GLIS2: variants seen among roughly 807,000 people sequenced by gnomAD.
GLIS2 encodes the protein GLIS family zinc finger 2.
A neutral mutation model predicts 35.6 loss-of-function variants in GLIS2; 14 were observed. The ratio of observed to expected loss-of-function variants is 0.39; its 90% CI spans 0.26 to 0.61. The LOEUF (loss-of-function observed/expected upper bound fraction) is 0.61, where lower values mean the gene tolerates loss of function less well. GLIS2 is among the 20% of genes least tolerant of loss of function. The pLI, the probability that GLIS2 is intolerant of heterozygous loss-of-function variation, is 0.48. For missense variants in GLIS2, 675 were observed against 713.4 expected (o/e 0.95, Z 0.61); for synonymous variants, 368 against 325.1 (o/e 1.13, Z -1.42).
Position 4,332,331 on chromosome 16 carries a change from C to T in GLIS2, c.51C>T (p.Leu17=). The T allele has an allele frequency of 6.2e-7, 1 of 1,613,254 alleles. No individual in the cohort carries two copies. The change falls in exon 2 of 7, where the codon CTC becomes CTT. Residue 17 remains leucine (L), a synonymous_variant. Coordinates refer to ENST00000433375, the MANE Select transcript of GLIS2 (RefSeq NM_032575.3). This position sits in a 1 kb window ranked among gnomAD's most constrained non-coding sequence, Gnocchi z 5.4. ...ACCTGAAGCTGAGTATCACCAAGCT[C>T]CGGGCGGCAAGAGAGAAGCGGGAGA... ...PLDLKLSITK[L]RAAREKRERT...
chr16:4,320,929 G>A lies in GLIS2; in HGVS notation c.-67+4675G>A, dbSNP rs1011949194. ...CTTGGTTCTAGGGCCACTGGGCCCC[G>A]AGGGCCTGGAGCCACCAGGCCTGGC... On this transcript the variant is annotated intron_variant, in intron 1 of 6. Transcript: ENST00000433375. The surrounding 1 kb of genome is among the most constrained non-coding windows in gnomAD (Gnocchi z 5.6). 1.3e-5 allele frequency among the ~76,000 whole-genome samples: 2 copies of A among 152,294 alleles called. No homozygotes were observed. Among genetic ancestry groups the A allele is most frequent in the African/African-American group, 2.4e-5 (1 of 41,564 alleles).
chr16:4,318,317 C>A (rs541324640), intron 1 of GLIS2, among the ~76,000 whole-genome samples: 1 of 152,204 alleles, frequency 6.6e-6, no homozygotes, highest in South Asian at 2.1e-4. Context: ...AGGGGTCAGA[C>A]CAGGTGAGCT....
Position 4,336,878 on chromosome 16 carries a change from T to G in GLIS2, c.929T>G (p.Leu310Arg), listed in dbSNP as rs765218625. ...CHKRYTDPSS[L>R]RKHIKAHGHF... ...AAGCGCTACACGGACCCCAGCTCAC[T>G]GCGCAAGCACATCAAGGCCCATGGC... is the stretch of plus-strand genomic sequence containing the variant. The change falls in exon 7 of 7, where the codon CTG becomes CGG. Residue 310 changes from leucine to arginine, a missense_variant. This residue lies in a region of GLIS2 where 133 missense variants were observed against 191.4 expected (regional missense o/e 0.69). Coordinates refer to ENST00000433375, the MANE Select transcript of GLIS2 (RefSeq NM_032575.3). 6.2e-7 allele frequency: 1 copy of G among 1,613,340 alleles called. No individual in the cohort carries two copies. The highest frequency in any genetic ancestry group is 1.7e-5 in the Admixed American group (1 of 60,016).
In GLIS2 at chr16:4,320,274, C is replaced by G. The variant is rs1006302447; in HGVS notation, c.-67+4020C>G. Among the ~76,000 whole-genome samples, 1 of 152,156 alleles carries G rather than the reference C, an allele frequency of 6.6e-6. No homozygotes were observed. Among genetic ancestry groups the G allele is most frequent in the Non-Finnish European group, 1.5e-5 (1 of 68,006 alleles). ...AGCCAGCAGAGGCCCCAGGAGACCG[C>G]TGAGTGGACTGAGTCAGCCCCCGGC... is the stretch of plus-strand genomic sequence containing the variant. On this transcript the variant is annotated intron_variant, in intron 1 of 6. Transcript: ENST00000433375. This position sits in a 1 kb window ranked among gnomAD's most constrained non-coding sequence, Gnocchi z 5.6.
At chr16:4,319,656 G>C (rs887540729) in intron 1 of GLIS2, among the ~76,000 whole-genome samples, 5 of 152,070 alleles carry the variant, frequency 3.3e-5, no homozygotes, top group African/African-American at 1.2e-4. Context: ...GGCTGGGGGC[G>C]GGGACTCCGC....
chr16:4,335,413 C>T lies in GLIS2; in HGVS notation c.775+20C>T, dbSNP rs116598071. 7.4e-4 allele frequency: 1,187 copies of T among 1,610,978 alleles called. 4 individuals are homozygous for T. In the African/African-American group the frequency reaches 9.4e-3, roughly 13 times the overall value. On this transcript the variant is annotated intron_variant, in intron 6 of 6. Coordinates refer to ENST00000433375, the MANE Select transcript of GLIS2 (RefSeq NM_032575.3). This position sits in a 1 kb window ranked among gnomAD's most constrained non-coding sequence, Gnocchi z 4.6. ...ACACAGGTAAGAGGCCGGGGCCGGGCGGCTTGGCCCATGAAGGGGGCGCTC... is the reference window on the plus strand; with the variant it reads ...ACACAGGTAAGAGGCCGGGGCCGGGTGGCTTGGCCCATGAAGGGGGCGCTC...
intron 1 of GLIS2, chr16:4,325,148 G>A (rs113704556): frequency 0.034 from 5,137 of 150,574 alleles, 113 homozygotes; most frequent in Admixed American, 0.086. Context: ...CCCCTCCAGC[G>A]CCCACCCACT....
At chr16:4,322,583 G>A (rs1344732293) in intron 1 of GLIS2, among the ~76,000 whole-genome samples, 7 of 152,182 alleles carry the variant, frequency 4.6e-5, no homozygotes, top group African/African-American at 1.7e-4. Context: ...ATATCCATGA[G>A]GCTGACCCGG....
In GLIS2 at chr16:4,336,305, C is replaced by G. The variant is rs145160979; in HGVS notation, c.776-420C>G. 728 of 334,314 alleles carry G rather than the reference C, an allele frequency of 2.2e-3. 21 individuals carry two copies. The East Asian group carries it at 0.045, about 21-fold the overall frequency. The allele number at this position is 334,314 out of a possible 1,614,324, so 20.7% of individuals were successfully genotyped here. ...GGGATTACAGGCACCTGCCACCACA[C>G]CCAGCTAGTTTTCGTAGTTTTAGTA... On this transcript the variant is annotated intron_variant, in intron 6 of 6. Coordinates refer to ENST00000433375, the MANE Select transcript of GLIS2 (RefSeq NM_032575.3).
chr16:4,334,675 A>G, intron 3 of GLIS2, 126 bp from the exon 4 acceptor site: 1 of 1,105,066 alleles, frequency 9.0e-7, no homozygotes, highest in South Asian at 1.3e-5. Context: ...GGCCACATGC[A>G]CAGGTAGGGG....
Position 4,332,539 on chromosome 16 carries a change from A to T in GLIS2, c.172+87A>T. ...TGGCCAAGTGTGTCCACCAGCATGT[A>T]GCTGCAGCCCCTCTCGGCTTCCGGT... On this transcript the variant is annotated intron_variant, in intron 2 of 6. Coordinates refer to ENST00000433375, the MANE Select transcript of GLIS2 (RefSeq NM_032575.3). This position sits in a 1 kb window ranked among gnomAD's most constrained non-coding sequence, Gnocchi z 5.4. 6.8e-7 allele frequency: 1 copy of T among 1,472,424 alleles called. No individual in the cohort carries two copies. Among genetic ancestry groups the T allele is most frequent in the Non-Finnish European group, 9.3e-7 (1 of 1,079,790 alleles). 91.2% of individuals were successfully genotyped at this position (1,472,424 alleles called of 1,614,324 possible).
chr16:4,326,082 T>C (rs1388535715), intron 1 of GLIS2, among the ~76,000 whole-genome samples: 1 of 146,486 alleles, frequency 6.8e-6, no homozygotes. Context: ...ACTAAAAAAA[T>C]ACACACAAAA....
intron 1 of GLIS2, among the ~76,000 whole-genome samples, chr16:4,323,527 C>T (rs1467310437): frequency 2.0e-5 from 3 of 152,292 alleles, no homozygotes; most frequent in African/African-American, 4.8e-5. Context: ...TGTGCCAGGC[C>T]GGCCCTGCAG....
intron 1 of GLIS2, among the ~76,000 whole-genome samples, chr16:4,327,728 C>T (rs1193479309): frequency 6.6e-6 from 1 of 151,374 alleles, no homozygotes; most frequent in East Asian, 1.9e-4. Flanking sequence ...GGGCAGGGCC[C>T]GGTCCCCCGA....
chr16:4,318,178 G>A (rs2053336133), intron 1 of GLIS2, among the ~76,000 whole-genome samples: 2 of 152,316 alleles, frequency 1.3e-5, no homozygotes, highest in Admixed American at 1.3e-4. Context: ...GTCACAGCTT[G>A]GAGGGTGACC....
chr16:4,322,352 C>T (rs1298248172), intron 1 of GLIS2, among the ~76,000 whole-genome samples: 1 of 152,156 alleles, frequency 6.6e-6, no homozygotes, highest in African/African-American at 2.4e-5. Flanking sequence ...GCAGATCAGC[C>T]GGGCCATAGC....
intron 1 of GLIS2, among the ~76,000 whole-genome samples, chr16:4,319,867 TCCACTCCC>T (rs1008056332): frequency 6.6e-6 from 1 of 152,058 alleles, no homozygotes; most frequent in Non-Finnish European, 1.5e-5. Context: ...GTACTCGCCT[TCCACTCCC>T]CCACTCCCCC....
At chr16:4,329,890 G>T (rs2053479883) in intron 1 of GLIS2, among the ~76,000 whole-genome samples, 1 of 152,232 alleles carries the variant, frequency 6.6e-6, no homozygotes, top group Admixed American at 6.5e-5. Context: ...CGTAGGAAAA[G>T]ATTGCTGCTC....
rs377037409 is a variant in GLIS2 at position 4,332,381 on chromosome 16, G to C, written c.101G>C (p.Arg34Pro). The change falls in exon 2 of 7, where the codon CGT becomes CCT. Residue 34 changes from arginine (R) to proline (P), a missense_variant. Transcript: ENST00000433375. The surrounding 1 kb of genome is among the most constrained non-coding windows in gnomAD (Gnocchi z 5.4). Reference protein sequence around the residue: ...RERTLGVVRPRALHRELGLVD... With the variant: ...RERTLGVVRPPALHRELGLVD... ...AGGACGCTGGGTGTGGTCCGGCCCC[G>C]TGCTCTGCACAGGGAGCTGGGCCTG... The C allele has an allele frequency of 1.2e-6, 2 of 1,612,878 alleles. No homozygotes were observed. The highest frequency in any genetic ancestry group is 1.3e-5 in the African/African-American group (1 of 74,920).
Sources: gnomAD v4.1 joint callset for allele counts (sites outside exome capture counted in the v4.1 genomes callset) on GRCh38, gnomAD v4.1.1 for gene constraint, gnomAD v4.1.1 regional missense constraint, Gnocchi (gnomAD v3.1) non-coding constraint, MANE v1.5 for transcripts, NCBI Gene and HGNC (gene_info 2026-07-23, HGNC 2026-07-21) for gene names.